Variants in ZNF436 observed in about 807,000 individuals in gnomAD.
ZNF436 encodes DNA-binding protein.
Under a neutral mutation model 41.9 loss-of-function variants are expected in ZNF436, and 22 were observed. The observed-to-expected ratio is 0.53, with a 90% confidence interval of 0.38 to 0.75. ZNF436 has a LOEUF of 0.75. Among genes scored for constraint, ZNF436 ranks in the 30% least tolerant of loss-of-function variants. The probability of loss-of-function intolerance (pLI) is 0.00; values close to 1 mark genes in which losing one functional copy is unlikely to be tolerated. For missense variants in ZNF436, 506 were observed against 587.3 expected (o/e 0.86, Z 1.43); for synonymous variants, 217 against 197.8 (o/e 1.10, Z -0.82).
At chr1:23,368,826 G>A (rs374154993) in intron 1 of ZNF436, among the ~76,000 whole-genome samples, 16 of 152,278 alleles carry the variant, frequency 1.1e-4, no homozygotes, top group African/African-American at 3.8e-4. Flanking sequence ...AGCGGCAGCC[G>A]CCCACTCCCC....
Position 23,367,039 on chromosome 1 carries a change from T to C in ZNF436, c.160+3A>G. On this transcript the variant is annotated splice_donor_region_variant and intron_variant, in intron 3 of 3. Transcript: ENST00000314011. ...GGCAAAGAAAGGTAGAATCCTTACT[T>C]ACCTAGTGAGACAACATTTCCATAA... is the stretch of plus-strand genomic sequence containing the variant. 1.9e-6 allele frequency: 3 copies of C among 1,612,552 alleles called. No homozygotes were observed. The highest frequency in any genetic ancestry group is 2.5e-6 in the Non-Finnish European group (3 of 1,179,366).
intron 1 of ZNF436, 82 bp from the exon 2 acceptor site, chr1:23,368,147 C>A: frequency 2.1e-6 from 2 of 953,696 alleles, no homozygotes; most frequent in East Asian, 2.7e-5. Flanking sequence ...GGCCCCAAGG[C>A]GGGCAGGGAG....
chr1:23,360,901 C>T lies in ZNF436; in HGVS notation c.*1068G>A, dbSNP rs1646991605. 6.6e-6 allele frequency: 1 copy of T among 152,670 alleles called. No individual in the cohort carries two copies. The highest frequency in any genetic ancestry group is 2.4e-5 in the African/African-American group (1 of 41,454). The allele number at this position is 152,670 out of a possible 1,614,324, so 9.5% of individuals were successfully genotyped here. ...CACATCACCCAAGAACATGCTAAGT[C>T]TCTGTAAATTCAGTTTCTATTAGAA... On this transcript the variant is annotated 3_prime_UTR_variant, in exon 4 of 4. Transcript: ENST00000314011.
chr1:23,363,791 AC>A (rs1470354535), intron 3 of ZNF436, among the ~76,000 whole-genome samples: 2 of 152,168 alleles, frequency 1.3e-5, no homozygotes, highest in Non-Finnish European at 2.9e-5. Context: ...TGTAATCCTA[AC>A]ACTTTAGGAG....
At position 23,361,222 on chromosome 1, in the gene ZNF436, T is replaced by TA. The variant is rs1259024673; in HGVS notation, c.*746_*747insT. On this transcript the variant is annotated 3_prime_UTR_variant, in exon 4 of 4. Coordinates refer to ENST00000314011, the MANE Select transcript of ZNF436 (RefSeq NM_001077195.2). ...CCCTATAGTGATCCCCAAAGAAAATTCATAAATCTGATTAATGGCAGTAAT... is the reference window on the plus strand; with the variant it reads ...CCCTATAGTGATCCCCAAAGAAAATTACATAAATCTGATTAATGGCAGTAAT... The TA allele has an allele frequency of 1.3e-5, 2 of 152,646 alleles. No individual in the cohort carries two copies. Among genetic ancestry groups the TA allele is most frequent in the African/African-American group, 4.8e-5 (2 of 41,454 alleles). The allele number at this position is 152,646 out of a possible 1,614,324, so 9.5% of individuals were successfully genotyped here.
chr1:23,361,841 T>C lies in ZNF436; in HGVS notation c.*128A>G. 1 of 990,658 alleles carries C rather than the reference T, an allele frequency of 1.0e-6. No homozygotes were observed. The highest frequency in any genetic ancestry group is 1.4e-6 in the Non-Finnish European group (1 of 694,610). 61.4% of individuals were successfully genotyped at this position (990,658 alleles called of 1,614,324 possible). ...AGAATTTCAAATGGCTTGTCATCTC[T>C]GATGGTTTAAATCGTGGCCCACAAC... On this transcript the variant is annotated 3_prime_UTR_variant, in exon 4 of 4. Transcript: ENST00000314011.
intron 3 of ZNF436, among the ~76,000 whole-genome samples, chr1:23,366,094 G>A (rs1424598533): frequency 6.6e-6 from 1 of 152,114 alleles, no homozygotes; most frequent in African/African-American, 2.4e-5. Flanking sequence ...GCTTTTGTTG[G>A]ATTCAGTGGA....
In ZNF436 at chr1:23,362,789, T is replaced by C. The variant is rs1638276202; in HGVS notation, c.593A>G (p.Glu198Gly). The change falls in exon 4 of 4, where the codon GAG becomes GGG. Residue 198 changes from glutamate to glycine, a missense_variant. Transcript: ENST00000314011. ...ACTTCTTCCAAAACTTTTCCCACAC[T>C]CGTTACAGTCATAAGGCCTCTCCCC... The part of the protein sequence containing the change: ...HTGERPYDCN[E>G]CGKSFGRSSH... 2 of 1,614,234 alleles carry C rather than the reference T, an allele frequency of 1.2e-6. No individual in the cohort carries two copies. Among genetic ancestry groups the C allele is most frequent in the Non-Finnish European group, 1.7e-6 (2 of 1,180,046 alleles).
rs1484488113 is a variant in ZNF436, at chr1:23,359,716, T to G, written c.*2253A>C. The G allele has an allele frequency of 6.6e-6, 1 of 152,634 alleles. No homozygotes were observed. The highest frequency in any genetic ancestry group is 1.5e-5 in the Non-Finnish European group (1 of 68,064). 9.5% of individuals were successfully genotyped at this position (152,634 alleles called of 1,614,324 possible). On this transcript the variant is annotated 3_prime_UTR_variant, in exon 4 of 4. Coordinates refer to ENST00000314011, the MANE Select transcript of ZNF436 (RefSeq NM_001077195.2). Reference sequence around the variant, plus strand: ...TTCAACACAGCAAACGGGCAACAATTGGCAGAAAGAGGAGACAGCTGGTGT... The same window carrying G: ...TTCAACACAGCAAACGGGCAACAATGGGCAGAAAGAGGAGACAGCTGGTGT...
In ZNF436 at chr1:23,369,733, C is replaced by T. The variant is rs1204031065; in HGVS notation, c.-428G>A. The T allele has an allele frequency of 2.5e-6, 1 of 401,026 alleles. No homozygotes were observed. Among genetic ancestry groups the T allele is most frequent in the Non-Finnish European group, 5.2e-6 (1 of 192,582 alleles). The allele number at this position is 401,026 out of a possible 1,614,324, so 24.8% of individuals were successfully genotyped here. Reference sequence around the variant, plus strand: ...GGAGGACTCGCAGCTCTCCCTTTCCCCAGCCAGGATGAGGGAATTAGACAA... The same window carrying T: ...GGAGGACTCGCAGCTCTCCCTTTCCTCAGCCAGGATGAGGGAATTAGACAA... On this transcript the variant is annotated 5_prime_UTR_variant, in exon 1 of 4. Transcript: ENST00000314011.
rs139608574 is a variant in ZNF436, at chr1:23,367,149, T to C, written c.53A>G (p.Asp18Gly). 2.6e-4 allele frequency: 424 copies of C among 1,612,378 alleles called. No homozygotes were observed. The East Asian group carries it at 8.8e-3, about 33-fold the overall frequency. The change falls in exon 3 of 4, where the codon GAT (aspartate) becomes GGT (glycine). Residue 18 changes from aspartate (D) to glycine (G), a missense_variant. Coordinates refer to ENST00000314011, the MANE Select transcript of ZNF436 (RefSeq NM_001077195.2). Reference protein sequence around the residue: ...AGSQAPVTFEDMAMYLTREEW... With the variant: ...AGSQAPVTFEGMAMYLTREEW... ...TTCCCGGGTGAGATACATGGCCATA[T>C]CTTCAAACGTCACAGGTGCCTGAAA...
chr1:23,367,932 G>C, intron 2 of ZNF436, 41 bp downstream of exon 2: 1 of 1,611,368 alleles, frequency 6.2e-7, no homozygotes, highest in East Asian at 2.2e-5. Flanking sequence ...GGACGAGGTG[G>C]GTAAGCAGAG....
intron 1 of ZNF436, 75 bp from the exon 2 acceptor site, chr1:23,368,140 C>T: frequency 1.9e-6 from 2 of 1,044,254 alleles, no homozygotes; most frequent in Non-Finnish European, 1.4e-6. Context: ...GAGTTCTGGC[C>T]CCAAGGCGGG....
intron 3 of ZNF436, 34 bp from the exon 4 acceptor site, chr1:23,363,255 T>C (rs1390739726): frequency 2.6e-6 from 4 of 1,563,496 alleles, no homozygotes; most frequent in Non-Finnish European, 3.5e-6. Flanking sequence ...GACTAGTAAG[T>C]ACAAAAATTA....
chr1:23,363,449 C>T (rs184633626), intron 3 of ZNF436, among the ~76,000 whole-genome samples: 15 of 152,074 alleles, frequency 9.9e-5, no homozygotes, highest in South Asian at 4.2e-4. Flanking sequence ...CCACCATGCC[C>T]GGCTAATTTT....
chr1:23,366,350 G>GAAGGCAAAGT (rs1638358265), intron 3 of ZNF436, among the ~76,000 whole-genome samples: 1 of 151,190 alleles, frequency 6.6e-6, no homozygotes, highest in Admixed American at 6.6e-5. Flanking sequence ...AGTCTTGACA[G>GAAGGCAAAGT]GAGGCAAAGT....
rs183041447 is a variant in ZNF436 at position 23,365,210 on chromosome 1, G to A, written c.160+1832C>T. Among the ~76,000 whole-genome samples, 228 of 151,076 alleles carry A rather than the reference G, an allele frequency of 1.5e-3. 3 individuals are homozygous for A. Among genetic ancestry groups the A allele is most frequent in the African/African-American group, 5.2e-3 (214 of 41,168 alleles). On this transcript the variant is annotated intron_variant, in intron 3 of 3. Coordinates refer to ENST00000314011, the MANE Select transcript of ZNF436 (RefSeq NM_001077195.2). The stretch of plus-strand genomic sequence containing the variant: ...AGATCGAGACCATCCTGGCTAACAC[G>A]GTGAAACCCCATCTCTAAAAAAAAA...
At position 23,363,001 on chromosome 1, in the gene ZNF436, G is replaced by A. The variant is rs1418097727; in HGVS notation, c.381C>T (p.Val127=). 14 of 1,614,202 alleles carry A rather than the reference G, an allele frequency of 8.7e-6. No individual in the cohort carries two copies. Among genetic ancestry groups the A allele is most frequent in the African/African-American group, 1.3e-5 (1 of 75,044 alleles). Reference sequence around the variant, plus strand: ...GGATGCCTGTGTGGACTTCTTTGTGGACAAGTAGATCAGTGACTGGTTGGA... The same window carrying A: ...GGATGCCTGTGTGGACTTCTTTGTGAACAAGTAGATCAGTGACTGGTTGGA... ...YPLQPVTDLL[V]HKEVHTGIRY... Residue 127 remains valine (V), a synonymous_variant, in exon 4 of 4, where the codon GTC becomes GTT. Transcript: ENST00000314011.
At chr1:23,367,794 G>T (rs1638394674) in intron 2 of ZNF436, among the ~76,000 whole-genome samples, 179 bp downstream of exon 2, 1 of 152,206 alleles carries the variant, frequency 6.6e-6, no homozygotes, top group African/African-American at 2.4e-5. Context: ...CATACAGCAG[G>T]TGTTCGATAT....
Sources: gnomAD v4.1 joint callset for allele counts (sites outside exome capture counted in the v4.1 genomes callset) on GRCh38, gnomAD v4.1.1 for gene constraint, MANE v1.5 for transcripts, NCBI Gene and HGNC (gene_info 2026-07-23, HGNC 2026-07-21) for gene names.